Variants in FARP1 observed in about 807,000 individuals in gnomAD.
FARP1 encodes the protein FERM, ARH/RhoGEF and pleckstrin domain protein 1.
In FARP1, 52 loss-of-function variants were observed where a neutral mutation model predicts 128.8. That is an observed-to-expected ratio of 0.40 (90% CI 0.32 to 0.51). FARP1 has a LOEUF of 0.51. Ranked by LOEUF, FARP1 falls within the 20% of genes least tolerant of loss-of-function variation. The pLI is 0.45. For synonymous variants in FARP1, 580 were observed against 551.8 expected, an observed-to-expected ratio of 1.05 and a Z score of -0.72; for missense variants, 1,333 against 1,367.9, an observed-to-expected ratio of 0.97 and a Z score of 0.40.
At chr13:98,414,742 G>A (rs1021007831) in intron 16 of FARP1, among the ~76,000 whole-genome samples, 5 of 152,294 alleles carry the variant, frequency 3.3e-5, no homozygotes, top group African/African-American at 1.2e-4. Context: ...GAAAAGGATG[G>A]CTCCTTCAAA....
chr13:98,356,061 A>G (rs983316660), intron 3 of FARP1, among the ~76,000 whole-genome samples: 1 of 152,212 alleles, frequency 6.6e-6, no homozygotes, highest in Non-Finnish European at 1.5e-5. Context: ...TGCACTTGGA[A>G]AAGACTGTAT....
intron 2 of FARP1, among the ~76,000 whole-genome samples, chr13:98,276,104 A>G (rs1267818611): frequency 1.3e-5 from 2 of 152,232 alleles, no homozygotes; most frequent in African/African-American, 2.4e-5. Context: ...AGAGGCTCAC[A>G]GGATGGCTGG....
intron 2 of FARP1, among the ~76,000 whole-genome samples, chr13:98,217,446 C>T (rs1368809242): frequency 1.3e-5 from 2 of 152,160 alleles, no homozygotes; most frequent in East Asian, 1.9e-4. Context: ...GGGAACTCGG[C>T]GTCTACGACC....
intron 2 of FARP1, among the ~76,000 whole-genome samples, chr13:98,221,954 A>G (rs574825145): frequency 7.2e-5 from 11 of 152,368 alleles, no homozygotes; most frequent in Admixed American, 1.3e-4. Context: ...CCATGTTTGA[A>G]TGTTCAATTA....
At chr13:98,360,818 TGA>T (rs1888840708) in intron 3 of FARP1, among the ~76,000 whole-genome samples, 1 of 152,074 alleles carries the variant, frequency 6.6e-6, no homozygotes, top group Admixed American at 6.6e-5. Flanking sequence ...TGTGGATGTG[TGA>T]GTGTGTTCAA....
rs1252353272 is a variant in FARP1 at position 98,283,020 on chromosome 13, T to G, written c.172-60742T>G. On this transcript the variant is annotated intron_variant, in intron 2 of 26. Coordinates refer to ENST00000319562, the MANE Select transcript of FARP1 (RefSeq NM_005766.4). The stretch of plus-strand genomic sequence containing the variant: ...TATACCTACTATCTTAGAAGATGCA[T>G]TTTACTGAAATAATCATGCTTATCA... 3.3e-5 allele frequency among the ~76,000 whole-genome samples: 5 copies of G among 152,258 alleles called. 1 individual carries two copies. The highest frequency in any genetic ancestry group is 1.3e-4 in the Admixed American group (2 of 15,288).
chr13:98,315,840 G>A (rs670672), intron 2 of FARP1, among the ~76,000 whole-genome samples: 61,780 of 151,988 alleles, frequency 0.41, 12,852 homozygotes, highest in Non-Finnish European at 0.46. Context: ...TGCCAATTTC[G>A]CTTCCAAAGG....
chr13:98,160,666 T>C (rs1018013787), intron 1 of FARP1, among the ~76,000 whole-genome samples: 2 of 152,090 alleles, frequency 1.3e-5, no homozygotes, highest in Non-Finnish European at 2.9e-5. Flanking sequence ...ATTTTTTTAA[T>C]TTAAATTTTT....
chr13:98,354,685 G>A (rs1888570702), intron 3 of FARP1, among the ~76,000 whole-genome samples: 2 of 152,280 alleles, frequency 1.3e-5, no homozygotes, highest in South Asian at 2.1e-4. Context: ...GAAAGCTTAT[G>A]TCCATAAAAA....
At position 98,409,615 on chromosome 13, in the gene FARP1, A is replaced by G. The variant is rs112042078; in HGVS notation, c.1602+90A>G. On this transcript the variant is annotated intron_variant, in intron 14 of 26. Transcript: ENST00000319562. ...AAAATTGTACTAAAATATACATAAG[A>G]GCAAAGGTACCATGTGAGCCATTTT... The G allele has an allele frequency of 2.3e-3, 2,785 of 1,221,192 alleles. 49 individuals carry two copies. In the African/African-American group the frequency reaches 0.035, roughly 15 times the overall value. 75.6% of individuals were successfully genotyped at this position (1,221,192 alleles called of 1,614,324 possible).
intron 5 of FARP1, among the ~76,000 whole-genome samples, chr13:98,372,593 CAGG>C (rs1476976271): frequency 2.0e-5 from 3 of 152,136 alleles, no homozygotes; most frequent in Non-Finnish European, 4.4e-5. Context: ...TCTTAGACTG[CAGG>C]AGAATTCTAA....
At chr13:98,160,927 C>T (rs1876836901) in intron 1 of FARP1, among the ~76,000 whole-genome samples, 1 of 152,100 alleles carries the variant, frequency 6.6e-6, no homozygotes, top group African/African-American at 2.4e-5. Context: ...GATCCACCCG[C>T]TTAACCTCCC....
At chr13:98,187,939 T>C (rs1443786695) in intron 1 of FARP1, among the ~76,000 whole-genome samples, 4 of 152,248 alleles carry the variant, frequency 2.6e-5, no homozygotes, top group Admixed American at 2.0e-4. Context: ...CAGTCAATCA[T>C]GAAGACAATT....
chr13:98,413,219 T>C (rs1162014794), intron 16 of FARP1, among the ~76,000 whole-genome samples: 1 of 152,222 alleles, frequency 6.6e-6, no homozygotes, highest in Non-Finnish European at 1.5e-5. Flanking sequence ...CAGGCATTAC[T>C]GAGAGGCCCC....
At chr13:98,295,268 G>A (rs1296662767) in intron 2 of FARP1, among the ~76,000 whole-genome samples, 1 of 152,044 alleles carries the variant, frequency 6.6e-6, no homozygotes, top group Non-Finnish European at 1.5e-5. Flanking sequence ...GGCAGGAATC[G>A]TAAATTGATT....
intron 2 of FARP1, among the ~76,000 whole-genome samples, chr13:98,303,860 C>CA (rs1168080897): frequency 6.6e-6 from 1 of 152,136 alleles, no homozygotes; most frequent in Admixed American, 6.5e-5. Flanking sequence ...TTAAGAAATT[C>CA]AAAGACTGCA....
intron 3 of FARP1, among the ~76,000 whole-genome samples, chr13:98,349,494 A>G (rs1319968568): frequency 6.6e-6 from 1 of 152,032 alleles, no homozygotes; most frequent in Admixed American, 6.6e-5. Flanking sequence ...CAACATGGTG[A>G]AACCCCATCT....
chr13:98,348,510 GC>G (rs1888273855), intron 3 of FARP1, among the ~76,000 whole-genome samples: 1 of 152,240 alleles, frequency 6.6e-6, no homozygotes, highest in South Asian at 2.1e-4. Flanking sequence ...CAGGATTCTT[GC>G]TAAAACTGGA....
chr13:98,444,794 TGA>T (rs1892719090), intron 24 of FARP1, among the ~76,000 whole-genome samples: 1 of 152,174 alleles, frequency 6.6e-6, no homozygotes. Context: ...GAAAATTATG[TGA>T]GTCAGTATGA....
Sources: gnomAD v4.1 joint callset for allele counts (sites outside exome capture counted in the v4.1 genomes callset) on GRCh38, gnomAD v4.1.1 for gene constraint, MANE v1.5 for transcripts, NCBI Gene and HGNC (gene_info 2026-07-23, HGNC 2026-07-21) for gene names.